Variants in PCDH9 observed in about 807,000 individuals in gnomAD.
PCDH9 encodes protocadherin-9.
PCDH9 carries 24 observed loss-of-function variants against 70.6 expected under a neutral mutation model. The ratio of observed to expected loss-of-function variants is 0.34; its 90% CI spans 0.25 to 0.48. PCDH9 has a LOEUF of 0.48. Ranked by LOEUF, PCDH9 falls within the 20% of genes least tolerant of loss-of-function variation. PCDH9 has a pLI of 0.99. For missense variants in PCDH9, 1,281 were observed against 1,503.6 expected, an observed-to-expected ratio of 0.85 and a Z score of 2.45; for synonymous variants, 562 against 558.5, an observed-to-expected ratio of 1.01 and a Z score of -0.09.
intron 3 of PCDH9, among the ~76,000 whole-genome samples, chr13:66,716,818 C>T (rs1298347505): frequency 6.6e-6 from 1 of 152,156 alleles, no homozygotes; most frequent in East Asian, 1.9e-4. Flanking sequence ...GCTTAAGCTT[C>T]TCACTTGAAC....
chr13:66,513,684 G>A (rs1375749114), intron 4 of PCDH9, among the ~76,000 whole-genome samples: 2 of 151,594 alleles, frequency 1.3e-5, no homozygotes, highest in Non-Finnish European at 2.9e-5. Flanking sequence ...ACAATAGAAT[G>A]GCTGTCAGAA....
At chr13:66,465,102 A>G (rs553923246) in intron 4 of PCDH9, among the ~76,000 whole-genome samples, 2 of 151,986 alleles carry the variant, frequency 1.3e-5, no homozygotes, top group East Asian at 1.9e-4. Context: ...CATCTGTACC[A>G]TCTTGGGGGA....
At chr13:67,016,404 G>A (rs909569998) in intron 2 of PCDH9, among the ~76,000 whole-genome samples, 4 of 152,086 alleles carry the variant, frequency 2.6e-5, no homozygotes, top group African/African-American at 4.8e-5. Context: ...GATAATGTCC[G>A]TAAAACAGTT....
At chr13:66,964,138 A>G (rs1369447620) in intron 2 of PCDH9, among the ~76,000 whole-genome samples, 2 of 152,114 alleles carry the variant, frequency 1.3e-5, no homozygotes, top group African/African-American at 2.4e-5. Flanking sequence ...GATAACACGG[A>G]TATCTTTATT....
At chr13:67,092,530 C>T (rs2086238329) in intron 2 of PCDH9, among the ~76,000 whole-genome samples, 1 of 152,072 alleles carries the variant, frequency 6.6e-6, no homozygotes, top group African/African-American at 2.4e-5. Context: ...TTTTCAAGGG[C>T]CCATTGAGAT....
intron 3 of PCDH9, among the ~76,000 whole-genome samples, chr13:66,780,599 T>C (rs1164076537): frequency 6.6e-6 from 1 of 152,218 alleles, no homozygotes; most frequent in Admixed American, 6.5e-5. Context: ...CAAGACCATC[T>C]ATTTTAAAAT....
At position 66,703,102 on chromosome 13, in the gene PCDH9, T is replaced by A. The variant is rs149597464; in HGVS notation, c.3139-71691A>T. On this transcript the variant is annotated intron_variant, in intron 3 of 4. Coordinates refer to ENST00000377865, the MANE Select transcript of PCDH9 (RefSeq NM_203487.3). ...CAAATTGAATACAAATGAAAACAGC[T>A]GAGTTCTTATGGCTACTGAAAAGTT... Among the ~76,000 whole-genome samples, 77 of 152,344 alleles carry A rather than the reference T, an allele frequency of 5.1e-4. No individual in the cohort carries two copies. In the East Asian group the frequency reaches 0.014, roughly 27 times the overall value.
At chr13:66,781,511 G>T (rs1046251342) in intron 3 of PCDH9, among the ~76,000 whole-genome samples, 2 of 152,100 alleles carry the variant, frequency 1.3e-5, no homozygotes. Context: ...GTAGAGGCTT[G>T]GTCTCTGAAG....
At chr13:66,693,890 A>C (rs1171316747) in intron 3 of PCDH9, among the ~76,000 whole-genome samples, 1 of 152,346 alleles carries the variant, frequency 6.6e-6, no homozygotes, top group East Asian at 1.9e-4. Context: ...TTTAGAAGAG[A>C]GAGTAGAATA....
chr13:66,946,423 A>T (rs2083088454), intron 2 of PCDH9, among the ~76,000 whole-genome samples: 1 of 152,074 alleles, frequency 6.6e-6, no homozygotes, highest in African/African-American at 2.4e-5. Context: ...TAATCCCAAC[A>T]CTTTGCAGGG....
intron 3 of PCDH9, among the ~76,000 whole-genome samples, chr13:66,796,526 C>T (rs775425286): frequency 3.9e-5 from 6 of 152,130 alleles, no homozygotes; most frequent in Non-Finnish European, 8.8e-5. Flanking sequence ...AAAAGTGTAA[C>T]TGTGTTTTAG....
chr13:66,361,788 C>G (rs1457565460), intron 4 of PCDH9, among the ~76,000 whole-genome samples: 1 of 152,066 alleles, frequency 6.6e-6, no homozygotes, highest in Admixed American at 6.6e-5. Context: ...TGTTATATAA[C>G]AAGCTTATTA....
At chr13:66,901,247 A>G (rs767285119) in intron 3 of PCDH9, among the ~76,000 whole-genome samples, 9 of 151,820 alleles carry the variant, frequency 5.9e-5, no homozygotes, top group Non-Finnish European at 1.3e-4. Context: ...GATCAAAAAC[A>G]GTTTAGACTA....
chr13:66,827,543 G>A (rs906681837), intron 3 of PCDH9, among the ~76,000 whole-genome samples: 1 of 152,100 alleles, frequency 6.6e-6, no homozygotes, highest in Non-Finnish European at 1.5e-5. Flanking sequence ...TGGCTGAAGT[G>A]AGGGAAAGTT....
At chr13:66,326,442 A>G (rs7990084) in intron 4 of PCDH9, among the ~76,000 whole-genome samples, 130,523 of 150,818 alleles carry the variant, frequency 0.87, 58,225 homozygotes, top group Non-Finnish European at 0.98. Context: ...AAAACACACC[A>G]GAGTCTTGCT....
At chr13:67,013,915 C>T (rs990499899) in intron 2 of PCDH9, among the ~76,000 whole-genome samples, 10 of 152,004 alleles carry the variant, frequency 6.6e-5, no homozygotes, top group Non-Finnish European at 8.8e-5. Context: ...TAAGCATCAT[C>T]TGTGTCCCAT....
intron 2 of PCDH9, among the ~76,000 whole-genome samples, chr13:67,027,312 G>A (rs2084804311): frequency 6.6e-6 from 1 of 152,118 alleles, no homozygotes; most frequent in Admixed American, 6.6e-5. Flanking sequence ...CAAGAAATGG[G>A]GAAAGGATTC....
chr13:66,899,632 G>A (rs1013244515), intron 3 of PCDH9, among the ~76,000 whole-genome samples: 1 of 151,912 alleles, frequency 6.6e-6, no homozygotes, highest in African/African-American at 2.4e-5. Flanking sequence ...TGAAAGCTCT[G>A]CTTGCATTAT....
chr13:67,144,378 G>T (rs74095343), intron 2 of PCDH9, among the ~76,000 whole-genome samples: 10,394 of 152,102 alleles, frequency 0.068, 965 homozygotes, highest in African/African-American at 0.21. Flanking sequence ...GTAAGAAGAG[G>T]CTTGCTGTAC....
Sources: gnomAD v4.1 joint callset for allele counts (sites outside exome capture counted in the v4.1 genomes callset) on GRCh38, gnomAD v4.1.1 for gene constraint, MANE v1.5 for transcripts, NCBI Gene and HGNC (gene_info 2026-07-23, HGNC 2026-07-21) for gene names.